Variants in RYR3 observed in about 807,000 individuals in gnomAD.
RYR3 encodes the protein ryanodine receptor 3, also known as brain ryanodine receptor-calcium release channel.
A neutral mutation model predicts 584.3 loss-of-function variants in RYR3; 207 were observed. That is an observed-to-expected ratio of 0.35 (90% CI 0.32 to 0.40). The LOEUF (loss-of-function observed/expected upper bound fraction) is 0.40, where lower values mean the gene tolerates loss of function less well. Among genes scored for constraint, RYR3 ranks in the 10% least tolerant of loss-of-function variants. RYR3 has a pLI of 1.00. For missense variants in RYR3, 5,616 were observed against 6,089.2 expected (o/e 0.92, Z 2.59); for synonymous variants, 2,416 against 2,248.5 (o/e 1.07, Z -2.11).
intron 74 of RYR3, 79 bp downstream of exon 74, chr15:33,813,658 C>T: frequency 8.7e-7 from 1 of 1,147,454 alleles, no homozygotes; most frequent in South Asian, 1.3e-5. Context: ...TGCTCTCTCA[C>T]TCTTAATCCA....
At chr15:33,848,543 C>T (rs2068547) in intron 94 of RYR3, 122 bp downstream of exon 94, 2 of 1,109,272 alleles carry the variant, frequency 1.8e-6, no homozygotes, top group Non-Finnish European at 2.5e-6. Flanking sequence ...TAGGACTTTT[C>T]TCCCTTGCCT....
chr15:33,365,491 G>C (rs1975367469), intron 1 of RYR3, among the ~76,000 whole-genome samples: 1 of 152,048 alleles, frequency 6.6e-6, no homozygotes, highest in Admixed American at 6.5e-5. Flanking sequence ...CACAATTCCA[G>C]ACAAGATACT....
At chr15:33,853,393 C>CT (rs2079310440) in intron 95 of RYR3, among the ~76,000 whole-genome samples, 162 bp from the exon 96 acceptor site, 1 of 152,174 alleles carries the variant, frequency 6.6e-6, no homozygotes, top group Non-Finnish European at 1.5e-5. Context: ...GTCTTCATTG[C>CT]TTTTTTCTCT....
chr15:33,841,734 A>C (rs1313605432), intron 90 of RYR3, 130 bp from the exon 91 acceptor site: 1 of 865,804 alleles, frequency 1.2e-6, no homozygotes, highest in East Asian at 2.7e-5. Context: ...AAAGACCTGA[A>C]GTTTCCACCT....
chr15:33,665,377 A>G (rs996941765), intron 36 of RYR3, among the ~76,000 whole-genome samples: 5 of 152,228 alleles, frequency 3.3e-5, no homozygotes, highest in Non-Finnish European at 7.3e-5. Flanking sequence ...TGTGATGCCT[A>G]TCACAGAGTA....
intron 16 of RYR3, among the ~76,000 whole-genome samples, chr15:33,591,110 C>T (rs1456724547): frequency 6.6e-6 from 1 of 152,170 alleles, no homozygotes. Flanking sequence ...TCTTGTGGAT[C>T]CTTCAATAGC....
rs1890125795 is a variant in RYR3, at chr15:33,865,286, C to CT, written c.*65dup. The CT allele has an allele frequency of 2.5e-6, 3 of 1,207,010 alleles. No individual in the cohort carries two copies. The highest frequency in any genetic ancestry group is 3.0e-5 in the African/African-American group (2 of 66,582). The allele number at this position is 1,207,010 out of a possible 1,614,324, so 74.8% of individuals were successfully genotyped here. ...TCAACTTCCCATGAAATAAAGTCCC[C>CT]TTTTTACAGTTCTGCAACATATCTG... On this transcript the variant is annotated 3_prime_UTR_variant, in exon 104 of 104. Coordinates refer to ENST00000634891, the MANE Select transcript of RYR3 (RefSeq NM_001036.6).
intron 1 of RYR3, among the ~76,000 whole-genome samples, chr15:33,356,569 T>G (rs1974003758): frequency 6.6e-6 from 1 of 152,194 alleles, no homozygotes; most frequent in South Asian, 2.1e-4. Context: ...AACAAAATTA[T>G]GTATAATCTC....
chr15:33,318,513 G>C (rs1451704222), intron 1 of RYR3, among the ~76,000 whole-genome samples: 1 of 152,216 alleles, frequency 6.6e-6, no homozygotes, highest in Non-Finnish European at 1.5e-5. Flanking sequence ...TTGGAGAAAG[G>C]TGAGAGCACA....
rs10714306 is a variant in RYR3, at chr15:33,821,261, T to C, written c.10816-9T>C. 5,241 of 1,562,504 alleles carry C rather than the reference T, an allele frequency of 3.4e-3. 134 individuals carry two copies. The African/African-American group carries it at 0.059, about 18-fold the overall frequency. On this transcript the variant is annotated splice_polypyrimidine_tract_variant and intron_variant, in intron 78 of 103. Transcript: ENST00000634891. ...ACCAATCTTTCCCTGTGATTTTTTT[T>C]CCCCCCAGGAGAAAGAGATGGAGAA...
Position 33,654,018 on chromosome 15 carries a change from CCACAGAGCAAACT to C in RYR3, c.4308+1136_4308+1148del, listed in dbSNP as rs147077267. 5.1e-3 allele frequency among the ~76,000 whole-genome samples: 773 copies of C among 152,164 alleles called. 6 individuals carry two copies. Among genetic ancestry groups the C allele is most frequent in the Non-Finnish European group, 8.7e-3 (590 of 68,004 alleles). On this transcript the variant is annotated intron_variant, in intron 32 of 103. Transcript: ENST00000634891. The stretch of plus-strand genomic sequence containing the variant: ...AATAATGTTCTATGAACCTAGAGTT[CCACAGAGCAAACT>C]ATGGGAGATGGGAGGTTAATGTCTA...
chr15:33,365,989 T>TA (rs1975442005), intron 1 of RYR3, among the ~76,000 whole-genome samples: 2 of 152,198 alleles, frequency 1.3e-5, no homozygotes, highest in Admixed American at 1.3e-4. Flanking sequence ...ATAAGGCACT[T>TA]AATAAGGTCT....
At chr15:33,633,169 T>A (rs1316369841) in intron 24 of RYR3, 61 bp downstream of exon 24, 1 of 1,564,480 alleles carries the variant, frequency 6.4e-7, no homozygotes, top group African/African-American at 1.4e-5. Context: ...CCACGTGCCG[T>A]TTTGCTTTGG....
intron 52 of RYR3, among the ~76,000 whole-genome samples, chr15:33,745,076 T>A (rs1259174669): frequency 3.3e-5 from 5 of 151,748 alleles, no homozygotes; most frequent in Admixed American, 3.3e-4. Context: ...AGCAGGGAAG[T>A]GGGTGAGAGA....
intron 38 of RYR3, among the ~76,000 whole-genome samples, chr15:33,690,309 GA>G (rs111270947): frequency 1.3e-5 from 2 of 151,982 alleles, no homozygotes; most frequent in Middle Eastern, 3.2e-3. Flanking sequence ...AAATTCAGGA[GA>G]AAAAAAGCAT....
At chr15:33,372,661 G>T (rs555096063) in intron 1 of RYR3, among the ~76,000 whole-genome samples, 2 of 151,476 alleles carry the variant, frequency 1.3e-5, no homozygotes, top group African/African-American at 4.9e-5. Flanking sequence ...CACCACGCCC[G>T]GCCCCAGCTA....
At chr15:33,774,218 G>A (rs1260105449) in intron 64 of RYR3, among the ~76,000 whole-genome samples, 1 of 152,176 alleles carries the variant, frequency 6.6e-6, no homozygotes, top group Non-Finnish European at 1.5e-5. Context: ...TTGCTTTTCA[G>A]CATCAAATGC....
chr15:33,445,664 A>ACACACACACAC (rs2046582595), intron 1 of RYR3, among the ~76,000 whole-genome samples: 3 of 106,006 alleles, frequency 2.8e-5, no homozygotes, highest in Admixed American at 2.1e-4. Context: ...TTCCCCCACC[A>ACACACACACAC]ACACACACAC....
At chr15:33,448,447 C>A (rs982176096) in intron 1 of RYR3, among the ~76,000 whole-genome samples, 10 of 152,178 alleles carry the variant, frequency 6.6e-5, no homozygotes, top group African/African-American at 2.4e-4. Context: ...TATAAAACAC[C>A]CCCATCAGGG....
Sources: allele counts gnomAD v4.1 joint callset (sites outside exome capture counted in the v4.1 genomes callset), GRCh38; gene constraint gnomAD v4.1.1; transcripts MANE v1.5; gene names NCBI Gene and HGNC (gene_info 2026-07-23, HGNC 2026-07-21).